ITGAD: variants seen among roughly 807,000 people sequenced by gnomAD.
ITGAD encodes integrin alpha-D.
In ITGAD, 105 loss-of-function variants were observed where a neutral mutation model predicts 139.0. The ratio of observed to expected loss-of-function variants is 0.76; its 90% confidence interval spans 0.65 to 0.89. The LOEUF (loss-of-function observed/expected upper bound fraction) is 0.89. Among genes scored for constraint, ITGAD ranks in the 40% least tolerant of loss-of-function variants. ITGAD has a pLI of 0.00. For missense variants in ITGAD, 1,384 were observed against 1,487.3 expected (o/e 0.93, Z 1.14); for synonymous variants, 569 against 598.3 (o/e 0.95, Z 0.71).
intron 20 of ITGAD, among the ~76,000 whole-genome samples, chr16:31,416,913 A>G (rs2081903168): frequency 6.7e-6 from 1 of 148,436 alleles, no homozygotes; most frequent in Non-Finnish European, 1.5e-5. Flanking sequence ...ACCTTTCCCC[A>G]TCACAGCTCC....
intron 19 of ITGAD, 103 bp downstream of exon 19, chr16:31,416,389 T>C (rs1031356941): frequency 6.6e-7 from 1 of 1,506,210 alleles, no homozygotes; most frequent in South Asian, 1.2e-5. Context: ...AAAAGTGATG[T>C]TCACTGGATT....
At position 31,413,183 on chromosome 16, in the gene ITGAD, GCCCTGGAAGCTGGGGACGCCACCGTCTGT is replaced by G; in HGVS notation, c.1935_1963del (p.Leu646HisfsTer12). 6.2e-7 allele frequency: 1 copy of G among 1,614,162 alleles called. No homozygotes were observed. Among genetic ancestry groups the G allele is most frequent in the Non-Finnish European group, 8.5e-7 (1 of 1,180,018 alleles). On this transcript the variant is annotated frameshift_variant, in exon 16 of 30. Transcript: ENST00000389202. LOFTEE classifies it high-confidence loss of function. ...CCGGTGCTGGGAAGAGAAGCCCAGT[GCCCTGGAAGCTGGGGACGCCACCGTCTGT>G]CTCACCATCCAGAAAAGCTCACTGG...
chr16:31,421,018 C>T (rs2081996943), intron 23 of ITGAD, among the ~76,000 whole-genome samples: 1 of 152,172 alleles, frequency 6.6e-6, no homozygotes, highest in South Asian at 2.1e-4. Context: ...GTTATATATA[C>T]CCATGTCAGG....
At chr16:31,422,195 C>T (rs547912925) in intron 23 of ITGAD, among the ~76,000 whole-genome samples, 5 of 151,696 alleles carry the variant, frequency 3.3e-5, no homozygotes, top group Admixed American at 6.6e-5. Flanking sequence ...CTGCCTTAGT[C>T]TCTCTAAGTG....
intron 2 of ITGAD, 71 bp from the exon 3 acceptor site, chr16:31,397,288 C>A: frequency 9.8e-7 from 1 of 1,016,330 alleles, no homozygotes; most frequent in Non-Finnish European, 1.5e-6. Context: ...GGGACACTTC[C>A]TCACCCCCAA....
rs145641401 is a variant in ITGAD at position 31,411,548 on chromosome 16, C to A, written c.1707+31C>A. ...GCCCGTCTTCAGCCTCTTTTAGTCCCAGCTCCTTCCCATGTCCTGAGTTCA... is the reference window on the plus strand; with the variant it reads ...GCCCGTCTTCAGCCTCTTTTAGTCCAAGCTCCTTCCCATGTCCTGAGTTCA... On this transcript the variant is annotated intron_variant, in intron 14 of 29. Transcript: ENST00000389202. 6,019 of 1,605,822 alleles carry A rather than the reference C, an allele frequency of 3.7e-3. 13 individuals carry two copies. Among genetic ancestry groups the A allele is most frequent in the Non-Finnish European group, 4.2e-3 (4,882 of 1,172,658 alleles).
At chr16:31,401,556 C>T (rs868624832) in intron 5 of ITGAD, among the ~76,000 whole-genome samples, 4 of 152,182 alleles carry the variant, frequency 2.6e-5, no homozygotes, top group Admixed American at 2.0e-4. Flanking sequence ...CTACAGGCCT[C>T]GAAGGTGCCT....
intron 4 of ITGAD, 40 bp downstream of exon 4, chr16:31,397,706 C>CCCCGCG: frequency 3.3e-6 from 1 of 299,966 alleles, no homozygotes; most frequent in Non-Finnish European, 5.6e-6. Flanking sequence ...TGGGGTGGGG[C>CCCCGCG]GGGGGGTGTT....
At chr16:31,416,161 T>G (rs947545151) in intron 18 of ITGAD, 52 bp from the exon 19 acceptor site, 33 of 1,446,690 alleles carry the variant, frequency 2.3e-5, no homozygotes, top group Non-Finnish European at 3.1e-5. Flanking sequence ...AGGAGGGGCT[T>G]GGAGAAAGAC....
Position 31,416,582 on chromosome 16 carries a change from A to G in ITGAD, c.2435A>G (p.Tyr812Cys), listed in dbSNP as rs773554321. The change falls in exon 20 of 30, where the codon TAC (tyrosine) becomes TGC (cysteine). Residue 812 changes from tyrosine to cysteine, a missense_variant. Physicochemically the swap from Tyr to Cys is radical, Grantham distance 194 (BLOSUM62 -2). Coordinates refer to ENST00000389202, the MANE Select transcript of ITGAD (RefSeq NM_005353.3). ...GTGTGGAACGCAGGTGAGGATTCCT[A>G]CGGAACCGTGGTCAGCCTCTACTAT... ...VTVWNAGEDS[Y>C]GTVVSLYYPA... The G allele has an allele frequency of 6.8e-6, 11 of 1,613,622 alleles. No homozygotes were observed. Among genetic ancestry groups the G allele is most frequent in the Admixed American group, 5.0e-5 (3 of 59,982 alleles).
At chr16:31,396,304 TC>T (rs376386179) in intron 2 of ITGAD, among the ~76,000 whole-genome samples, 19 of 152,270 alleles carry the variant, frequency 1.2e-4, no homozygotes, top group African/African-American at 4.6e-4. Context: ...AAACCCTGTC[TC>T]TACTAAAAAA....
At chr16:31,394,411 A>C in intron 2 of ITGAD, 70 bp downstream of exon 2, 1 of 1,240,888 alleles carries the variant, frequency 8.1e-7, no homozygotes, top group Non-Finnish European at 1.2e-6. Context: ...CACGTGGGTT[A>C]CCCCAGGGAG....
chr16:31,406,585 T>C (rs2081545289), intron 7 of ITGAD, among the ~76,000 whole-genome samples: 1 of 152,212 alleles, frequency 6.6e-6, no homozygotes, highest in African/African-American at 2.4e-5. Flanking sequence ...GGGGATATGC[T>C]GGAAGGCAGG....
intron 6 of ITGAD, 52 bp downstream of exon 6, chr16:31,402,297 T>C: frequency 4.5e-6 from 2 of 442,468 alleles, no homozygotes; most frequent in Non-Finnish European, 6.8e-6. Flanking sequence ...GAGGCTGGCC[T>C]CGGGGAGGCA....
At position 31,397,838 on chromosome 16, in the gene ITGAD, ACTCAAAGGGTT is replaced by A; in HGVS notation, c.358_368del (p.Ser120LeufsTer33). On this transcript the variant is annotated frameshift_variant, in exon 5 of 30. Transcript: ENST00000389202. LOFTEE classifies it high-confidence loss of function. Reference sequence around the variant, plus strand: ...CACAGAGTCTGTGGGGAGAACTCATACTCAAAGGGTTCCTGCCTCCTGCTGGGCTCGCGCTG... The same window carrying A: ...CACAGAGTCTGTGGGGAGAACTCATACCTGCCTCCTGCTGGGCTCGCGCTG... 2 of 1,613,590 alleles carry A rather than the reference ACTCAAAGGGTT, an allele frequency of 1.2e-6. No individual in the cohort carries two copies. Among genetic ancestry groups the A allele is most frequent in the Non-Finnish European group, 1.7e-6 (2 of 1,179,986 alleles).
intron 2 of ITGAD, among the ~76,000 whole-genome samples, chr16:31,395,623 C>A (rs552385740): frequency 1.3e-5 from 2 of 152,250 alleles, no homozygotes; most frequent in East Asian, 3.9e-4. Context: ...CCCCAAGAGA[C>A]CCCACAGTTT....
At chr16:31,394,889 C>T (rs1411937990) in intron 2 of ITGAD, among the ~76,000 whole-genome samples, 3 of 152,162 alleles carry the variant, frequency 2.0e-5, no homozygotes, top group Non-Finnish European at 4.4e-5. Context: ...CTATGTTGTC[C>T]AGACTGGCTG....
rs751569156 is a variant in ITGAD at position 31,416,483 on chromosome 16, C to T, written c.2358-22C>T. ...CCTATTTCCAGTGGAGCGCCACTCCCAGCCTCGTCCTTCCCCTTCAGCCTG... is the reference window on the plus strand; with the variant it reads ...CCTATTTCCAGTGGAGCGCCACTCCTAGCCTCGTCCTTCCCCTTCAGCCTG... On this transcript the variant is annotated intron_variant, in intron 19 of 29. Coordinates refer to ENST00000389202, the MANE Select transcript of ITGAD (RefSeq NM_005353.3). 3 of 1,600,300 alleles carry T rather than the reference C, an allele frequency of 1.9e-6. No individual in the cohort carries two copies. In the East Asian group the frequency reaches 6.8e-5, roughly 36 times the overall value.
At chr16:31,405,640 C>CTTTTTTTTTTT (rs569550173) in intron 7 of ITGAD, among the ~76,000 whole-genome samples, 1 of 104,014 alleles carries the variant, frequency 9.6e-6, no homozygotes, top group African/African-American at 3.8e-5. Context: ...TTTTGTTTTC[C>CTTTTTTTTTTT]TTTTTTTTTT....
Sources: allele counts gnomAD v4.1 joint callset (sites outside exome capture counted in the v4.1 genomes callset), GRCh38; gene constraint gnomAD v4.1.1; transcripts MANE v1.5; gene names NCBI Gene and HGNC (gene_info 2026-07-23, HGNC 2026-07-21).